The following SOX6 variants were observed in gnomAD, a reference collection of about 807,000 sequenced individuals.
SOX6 encodes the protein transcription factor SOX-6.
SOX6 carries 11 observed loss-of-function variants against 97.8 expected under a neutral mutation model. The observed-to-expected ratio is 0.11, with a 90% CI of 0.07 to 0.19. SOX6 has a LOEUF of 0.19. SOX6 is among the 10% of genes least tolerant of loss of function. The pLI is 1.00. For missense variants in SOX6, 810 were observed against 1,039.5 expected, an observed-to-expected ratio of 0.78 and a Z score of 3.04; for synonymous variants, 360 against 371.4, an observed-to-expected ratio of 0.97 and a Z score of 0.35.
intron 3 of SOX6, among the ~76,000 whole-genome samples, chr11:16,253,714 A>G (rs899310492): frequency 8.5e-5 from 13 of 152,102 alleles, no homozygotes; most frequent in Non-Finnish European, 1.6e-4. Flanking sequence ...ATATCCAATA[A>G]CTGTGGAACA....
chr11:16,454,274 T>G (rs1303576395), intron 1 of SOX6, among the ~76,000 whole-genome samples: 1 of 152,084 alleles, frequency 6.6e-6, no homozygotes, highest in African/African-American at 2.4e-5. Flanking sequence ...TAATCAGAGA[T>G]AGTTAGCAGT....
intron 4 of SOX6, among the ~76,000 whole-genome samples, chr11:16,216,449 C>A (rs549689761): frequency 3.0e-4 from 45 of 152,186 alleles, no homozygotes; most frequent in Admixed American, 2.9e-3. Context: ...AATGTTCCAA[C>A]CAAAAAGCTT....
chr11:16,463,412 T>C (rs1859969183), intron 1 of SOX6, among the ~76,000 whole-genome samples: 1 of 152,162 alleles, frequency 6.6e-6, no homozygotes, highest in South Asian at 2.1e-4. Flanking sequence ...TAAATAAATA[T>C]ACAAATATGT....
chr11:16,152,956 TC>T (rs1850497283), intron 6 of SOX6, among the ~76,000 whole-genome samples: 1 of 152,086 alleles, frequency 6.6e-6, no homozygotes, highest in Non-Finnish European at 1.5e-5. Context: ...AACCTCCACC[TC>T]CCAGGTTCAA....
chr11:16,098,260 G>A (rs540292580), intron 7 of SOX6, among the ~76,000 whole-genome samples: 29 of 151,992 alleles, frequency 1.9e-4, no homozygotes, highest in South Asian at 4.1e-4. Flanking sequence ...CATAAGTGTA[G>A]AAACCATGTT....
chr11:16,489,659 A>G (rs1340377474), intron 4 of SOX6, among the ~76,000 whole-genome samples: 1 of 152,164 alleles, frequency 6.6e-6, no homozygotes, highest in African/African-American at 2.4e-5. Flanking sequence ...GCTAAAATTG[A>G]ATGAGATAAC....
At chr11:16,487,912 G>A (rs940244996) in intron 4 of SOX6, among the ~76,000 whole-genome samples, 11 of 152,172 alleles carry the variant, frequency 7.2e-5, no homozygotes, top group Admixed American at 4.6e-4. Flanking sequence ...ACCGCCTGTT[G>A]TGCAAATATG....
At chr11:16,461,898 TAA>T (rs61303433) in intron 1 of SOX6, among the ~76,000 whole-genome samples, 59 of 152,286 alleles carry the variant, frequency 3.9e-4, no homozygotes, top group African/African-American at 1.4e-3. Flanking sequence ...ATAAAAGGAA[TAA>T]GAGAGTTTAA....
chr11:16,259,973 G>GTGTGTGTGTGTT (rs71044090), intron 3 of SOX6, among the ~76,000 whole-genome samples: 5 of 145,168 alleles, frequency 3.4e-5, no homozygotes, highest in Non-Finnish European at 6.2e-5. Context: ...GTGTGTGTGT[G>GTGTGTGTGTGTT]TATATATACA....
chr11:16,095,914 TAA>T (rs5789938), intron 9 of SOX6, 80 bp downstream of exon 9: 57,851 of 1,180,078 alleles, frequency 0.049, no homozygotes, highest in South Asian at 0.062. Context: ...TTTGCCACTT[TAA>T]AAAAAAAAAA....
chr11:16,052,110 A>G (rs909602869), intron 10 of SOX6, among the ~76,000 whole-genome samples: 3 of 152,084 alleles, frequency 2.0e-5, no homozygotes, highest in African/African-American at 7.2e-5. Flanking sequence ...AGTTTATTAC[A>G]TCTTTTTTAA....
chr11:16,187,084 T>C (rs1189419283), intron 4 of SOX6, 129 bp from the exon 5 acceptor site: 21 of 984,628 alleles, frequency 2.1e-5, no homozygotes, highest in South Asian at 4.0e-5. Context: ...CTGGAGGCCA[T>C]TGAGGGTACA....
At chr11:16,163,429 A>G (rs962308877) in intron 6 of SOX6, among the ~76,000 whole-genome samples, 8 of 152,220 alleles carry the variant, frequency 5.3e-5, no homozygotes, top group African/African-American at 1.9e-4. Flanking sequence ...TTTATAGAAA[A>G]TAAACATGTG....
chr11:16,153,667 G>A (rs969921687), intron 6 of SOX6, among the ~76,000 whole-genome samples: 3 of 151,946 alleles, frequency 2.0e-5, no homozygotes, highest in South Asian at 2.1e-4. Context: ...AATGACCATC[G>A]AACTCTGGTC....
At chr11:16,583,600 T>C (rs1360138934) in intron 4 of SOX6, among the ~76,000 whole-genome samples, 1 of 103,922 alleles carries the variant, frequency 9.6e-6, no homozygotes, top group East Asian at 2.3e-4. Flanking sequence ...TATGTATATA[T>C]GTGTATATAT....
intron 3 of SOX6, among the ~76,000 whole-genome samples, chr11:16,657,425 T>C (rs1454093820): frequency 6.6e-6 from 1 of 152,230 alleles, no homozygotes; most frequent in East Asian, 1.9e-4. Context: ...TGTGTTTATA[T>C]GAACATAAAT....
chr11:16,302,872 C>T (rs1009556865), intron 3 of SOX6, among the ~76,000 whole-genome samples: 10 of 151,960 alleles, frequency 6.6e-5, no homozygotes, highest in African/African-American at 2.4e-4. Flanking sequence ...ACCCGGCCAG[C>T]CACAGTACCC....
chr11:16,529,147 C>A (rs551524808), intron 4 of SOX6, among the ~76,000 whole-genome samples: 2 of 152,158 alleles, frequency 1.3e-5, no homozygotes, highest in South Asian at 4.1e-4. Context: ...AATGTAACTT[C>A]TAAGTTGTTA....
chr11:16,043,750 C>T (rs1855746055), intron 12 of SOX6, among the ~76,000 whole-genome samples: 1 of 152,198 alleles, frequency 6.6e-6, no homozygotes, highest in African/African-American at 2.4e-5. Flanking sequence ...TGCTTCAGGA[C>T]TGGAAGATTT....
Sources: allele counts gnomAD v4.1 joint callset (sites outside exome capture counted in the v4.1 genomes callset), GRCh38; gene constraint gnomAD v4.1.1; transcripts MANE v1.5; gene names NCBI Gene and HGNC (gene_info 2026-07-23, HGNC 2026-07-21).